Variants in TPGS2 observed in about 807,000 individuals in gnomAD.
The protein encoded by TPGS2 is tubulin polyglutamylase complex subunit 2.
TPGS2 carries 26 observed loss-of-function variants against 31.1 expected under a neutral mutation model. The ratio of observed to expected loss-of-function variants is 0.84; its 90% CI spans 0.61 to 1.16. The LOEUF is 1.16. Among genes scored for constraint, TPGS2 ranks in the 50% most tolerant of loss-of-function variants. TPGS2 has a pLI of 0.00. For synonymous variants in TPGS2, 130 were observed against 136.6 expected (o/e 0.95, Z 0.34); for missense variants, 351 against 363.8 (o/e 0.96, Z 0.29).
intron 1 of TPGS2, among the ~76,000 whole-genome samples, chr18:36,822,080 G>A (rs918146380): frequency 3.9e-5 from 6 of 152,188 alleles, no homozygotes; most frequent in African/African-American, 9.7e-5. Context: ...TAGTGGTGGC[G>A]GCAGCAGCAA....
intron 6 of TPGS2, chr18:36,786,590 T>TA (rs886756231): frequency 6.1e-6 from 2 of 326,074 alleles, no homozygotes; most frequent in African/African-American, 4.2e-5. Context: ...AGATCCTGTT[T>TA]ATTATTTGGT....
chr18:36,821,526 G>A (rs1394125304), intron 1 of TPGS2, among the ~76,000 whole-genome samples: 1 of 152,192 alleles, frequency 6.6e-6, no homozygotes, highest in African/African-American at 2.4e-5. Context: ...TATTTAATGA[G>A]GACCTGCTAT....
At chr18:36,782,567 A>AT (rs2044042377), downstream of TPGS2, among the ~76,000 whole-genome samples, 2 of 151,920 alleles carry the variant, frequency 1.3e-5, no homozygotes, top group African/African-American at 2.4e-5. Context: ...ATCACTGGGT[A>AT]TTTTTTTTCT....
chr18:36,800,116 T>A, intron 5 of TPGS2, 82 bp downstream of exon 5: 1 of 1,236,020 alleles, frequency 8.1e-7, no homozygotes, highest in Non-Finnish European at 1.2e-6. Flanking sequence ...AGGAGGTATG[T>A]GTCTCCTGAG....
intron 3 of TPGS2, 89 bp downstream of exon 3, chr18:36,807,758 T>C: frequency 8.2e-7 from 1 of 1,216,674 alleles, no homozygotes; most frequent in Non-Finnish European, 1.2e-6. Context: ...CCATCCAGAT[T>C]CAAAGACTCA....
rs943058487 is a variant in TPGS2 at position 36,795,355 on chromosome 18, G to C, written c.*1450C>G. On this transcript the variant is annotated 3_prime_UTR_variant, in exon 7 of 7. Transcript: ENST00000334295. ...CGGGGTAGAGAGAAGTCAGGAAAGA[G>C]AATGAGCCAGCTGGGACTGAAGTGT... 3.0e-6 allele frequency: 3 copies of C among 985,444 alleles called. No homozygotes were observed. Among genetic ancestry groups the C allele is most frequent in the African/African-American group, 1.7e-5 (1 of 57,244 alleles). 61.0% of individuals were successfully genotyped at this position (985,444 alleles called of 1,614,324 possible). A position where few individuals can be genotyped will look rare whatever the true frequency, so the allele number is the denominator to read the frequency against.
At position 36,797,115 on chromosome 18, in the gene TPGS2, T is replaced by A. The variant is rs540617200; in HGVS notation, c.658-65A>T. The A allele has an allele frequency of 2.9e-5, 46 of 1,580,956 alleles. No individual in the cohort carries two copies. In the South Asian group the frequency reaches 5.5e-4, roughly 19 times the overall value. ...GAAAAATGCCATTCTGTGTGCTCTTTTTGTGGGATGCAGGAGAGTTGGGAA... is the reference window on the plus strand; with the variant it reads ...GAAAAATGCCATTCTGTGTGCTCTTATTGTGGGATGCAGGAGAGTTGGGAA... On this transcript the variant is annotated intron_variant, in intron 6 of 6. Transcript: ENST00000334295.
Position 36,796,576 on chromosome 18 carries a change from C to A in TPGS2, c.*229G>T. ...ACTCAGACTTATTTGGGCACTTACACAAGATTCCAAATTCCCCATTGCTTC... is the reference window on the plus strand; with the variant it reads ...ACTCAGACTTATTTGGGCACTTACAAAAGATTCCAAATTCCCCATTGCTTC... On this transcript the variant is annotated 3_prime_UTR_variant, in exon 7 of 7. Transcript: ENST00000334295. The A allele has an allele frequency of 7.6e-7, 1 of 1,321,184 alleles. No homozygotes were observed. The highest frequency in any genetic ancestry group is 9.6e-7 in the Non-Finnish European group (1 of 1,042,616). The allele number at this position is 1,321,184 out of a possible 1,614,324, so 81.8% of individuals were successfully genotyped here. A position where few individuals can be genotyped will look rare whatever the true frequency, so the allele number is the denominator to read the frequency against.
In TPGS2 at chr18:36,828,747, G is replaced by A. The variant is rs2046323918; in HGVS notation, c.21C>T (p.Ser7=). The change falls in exon 1 of 7, where the codon TCC becomes TCT. Residue 7 remains serine, a synonymous_variant. Coordinates refer to ENST00000334295, the MANE Select transcript of TPGS2 (RefSeq NM_015476.4). MEEEAS[S]PGLGCSKPHL... ...GCGGCTTGCTGCAGCCCAGCCCCGGGGACGATGCCTCCTCCTCCATGGCTC... is the reference window on the plus strand; with the variant it reads ...GCGGCTTGCTGCAGCCCAGCCCCGGAGACGATGCCTCCTCCTCCATGGCTC... 2 of 1,613,834 alleles carry A rather than the reference G, an allele frequency of 1.2e-6. No homozygotes were observed. Among genetic ancestry groups the A allele is most frequent in the African/African-American group, 1.3e-5 (1 of 74,946 alleles).
chr18:36,827,540 G>A (rs532009330), intron 1 of TPGS2, among the ~76,000 whole-genome samples: 1 of 152,336 alleles, frequency 6.6e-6, no homozygotes, highest in South Asian at 2.1e-4. Flanking sequence ...GTGGGCAAGA[G>A]TGGAAACAAA....
chr18:36,796,505 A>G lies in TPGS2; in HGVS notation c.*300T>C, dbSNP rs562557207. 3 of 1,083,386 alleles carry G rather than the reference A, an allele frequency of 2.8e-6. No homozygotes were observed. The highest frequency in any genetic ancestry group is 3.4e-6 in the Non-Finnish European group (3 of 881,464). 67.1% of individuals were successfully genotyped at this position (1,083,386 alleles called of 1,614,324 possible). ...TTTCTTTGGGGGACCTCTCTAATCA[A>G]TCAGTGCTAAGGGATTGAGGGTTGA... On this transcript the variant is annotated 3_prime_UTR_variant, in exon 7 of 7. Coordinates refer to ENST00000334295, the MANE Select transcript of TPGS2 (RefSeq NM_015476.4).
At chr18:36,790,847 T>G (rs1455189543), downstream of TPGS2, among the ~76,000 whole-genome samples, 2 of 152,232 alleles carry the variant, frequency 1.3e-5, no homozygotes, top group African/African-American at 4.8e-5. Flanking sequence ...ATGTATTAAC[T>G]GATTTTAGGT....
intron 1 of TPGS2, among the ~76,000 whole-genome samples, chr18:36,824,171 TC>T (rs2150703540): frequency 6.6e-6 from 1 of 152,332 alleles, no homozygotes; most frequent in Admixed American, 6.5e-5. Context: ...CATTTCAAGA[TC>T]ATCCATGTTG....
At chr18:36,823,415 T>C (rs2045977582) in intron 1 of TPGS2, among the ~76,000 whole-genome samples, 2 of 151,734 alleles carry the variant, frequency 1.3e-5, no homozygotes, top group African/African-American at 4.8e-5. Context: ...GCGTAACAGA[T>C]TCTTTTCCTA....
chr18:36,785,857 G>C (rs1347396625), intron 6 of TPGS2, among the ~76,000 whole-genome samples: 1 of 152,134 alleles, frequency 6.6e-6, no homozygotes, highest in Non-Finnish European at 1.5e-5. Flanking sequence ...TTCTTATAAA[G>C]GGTCAACCAA....
chr18:36,823,478 T>TTTTTTTTTTTTTTTTTTTTTTTGTG (rs2045989159), intron 1 of TPGS2, among the ~76,000 whole-genome samples: 1 of 145,972 alleles, frequency 6.9e-6, no homozygotes, highest in Admixed American at 6.9e-5. Flanking sequence ...TTTTTTTTTT[T>TTTTTTTTTTTTTTTTTTTTTTTGTG]GAGACGGAGT....
chr18:36,797,589 A>C (rs1346205886), intron 6 of TPGS2, among the ~76,000 whole-genome samples: 1 of 149,310 alleles, frequency 6.7e-6, no homozygotes, highest in East Asian at 1.9e-4. Flanking sequence ...GCCGCCTCTC[A>C]ATGTTGACCA....
Position 36,794,657 on chromosome 18 carries a change from T to C in TPGS2, c.*2148A>G, listed in dbSNP as rs1314486718. 1 of 985,242 alleles carries C rather than the reference T, an allele frequency of 1.0e-6. No homozygotes were observed. Among genetic ancestry groups the C allele is most frequent in the East Asian group, 1.1e-4 (1 of 8,828 alleles). 61.0% of individuals were successfully genotyped at this position (985,242 alleles called of 1,614,324 possible). A position where few individuals can be genotyped will look rare whatever the true frequency, so the allele number is the denominator to read the frequency against. On this transcript the variant is annotated 3_prime_UTR_variant, in exon 7 of 7. Transcript: ENST00000334295. ...CTTTGATCAATTCTGGCAAGAAAAA[T>C]ACTTCTGGAAGACTAAACTCCAGCT... is the stretch of plus-strand genomic sequence containing the variant.
chr18:36,814,390 G>A (rs1308993541), intron 2 of TPGS2, among the ~76,000 whole-genome samples: 1 of 152,186 alleles, frequency 6.6e-6, no homozygotes, highest in Non-Finnish European at 1.5e-5. Context: ...AGAAAAAATG[G>A]TCAAATATAT....
Sources: gnomAD v4.1 joint callset for allele counts (sites outside exome capture counted in the v4.1 genomes callset) on GRCh38, gnomAD v4.1.1 for gene constraint, MANE v1.5 for transcripts, NCBI Gene and HGNC (gene_info 2026-07-23, HGNC 2026-07-21) for gene names.